The following BCORL1 variants were observed in gnomAD, a reference collection of about 807,000 sequenced individuals.
BCORL1 encodes the protein BCL-6 corepressor-like protein 1.
BCORL1 carries 7 observed loss-of-function variants against 87.6 expected under a neutral mutation model. The ratio of observed to expected loss-of-function variants is 0.08; its 90% CI spans 0.05 to 0.15. BCORL1 has a LOEUF of 0.15. Ranked by LOEUF, BCORL1 falls within the 10% of genes least tolerant of loss-of-function variation. The pLI, the probability that BCORL1 is intolerant of heterozygous loss-of-function variation, is 1.00. For synonymous variants in BCORL1, 591 were observed against 634.4 expected (o/e 0.93, Z 1.03); for missense variants, 1,215 against 1,499.7 (o/e 0.81, Z 3.13).
At position 130,005,227 on chromosome X, in the gene BCORL1, C is replaced by G. The variant is rs761135980; in HGVS notation, c.-5C>G. ...GCAGGTCCTATCTGGTGGTGAGTGG[C>G]TGTCATGATCTCTACAGCACCGCTC... On this transcript the variant is annotated 5_prime_UTR_variant, in exon 2 of 14. Transcript: ENST00000540052. 4.2e-6 allele frequency: 5 copies of G among 1,203,054 alleles called. No individual in the cohort carries two copies. In the Admixed American group the frequency reaches 1.1e-4, roughly 26 times the overall value.
Position 129,992,627 on chromosome X carries a change from C to A in BCORL1, c.-45+9865C>A, listed in dbSNP as rs147860451. Among the ~76,000 whole-genome samples the A allele has an allele frequency of 3.4e-3, 383 of 111,756 alleles. 2 individuals carry two copies. The highest frequency in any genetic ancestry group is 0.012 in the African/African-American group (360 of 30,804). ...TCTCCAAATATTTGTGTTATGTAGTCCAGGAGACTTTTATAAAAGCAAAAG... is the reference window on the plus strand; with the variant it reads ...TCTCCAAATATTTGTGTTATGTAGTACAGGAGACTTTTATAAAAGCAAAAG... On this transcript the variant is annotated intron_variant, in intron 1 of 13. Coordinates refer to ENST00000540052, the MANE Select transcript of BCORL1 (RefSeq NM_001379451.1).
At position 130,032,731 on chromosome X, in the gene BCORL1, TTCTATTTATTTATTTATTTA is replaced by T. The variant is rs1251053656; in HGVS notation, c.4306-1722_4306-1703del. Reference sequence around the variant, plus strand: ...GCATCACCTCCAGGTCGAGAATCTCTTCTATTTATTTATTTATTTATTTATTTATTTATTTATTTATTTAT... The same window carrying T: ...GCATCACCTCCAGGTCGAGAATCTCTTTTATTTATTTATTTATTTATTTAT... On this transcript the variant is annotated intron_variant, in intron 8 of 13. Coordinates refer to ENST00000540052, the MANE Select transcript of BCORL1 (RefSeq NM_001379451.1). 3.7e-3 allele frequency among the ~76,000 whole-genome samples: 372 copies of T among 100,943 alleles called. 2 individuals are homozygous for T. The highest frequency in any genetic ancestry group is 0.012 in the African/African-American group (354 of 28,490). 87.7% of individuals were successfully genotyped at this position (100,943 alleles called of 115,157 possible).
chrX:130,031,488 T>A (rs1280139458), intron 8 of BCORL1, among the ~76,000 whole-genome samples: 1 of 112,201 alleles, frequency 8.9e-6, no homozygotes, highest in Non-Finnish European at 1.9e-5. Context: ...AACAAATATT[T>A]GTTGTAATAA....
At chrX:129,999,467 C>T (rs1206998738) in intron 1 of BCORL1, among the ~76,000 whole-genome samples, 4 of 106,418 alleles carry the variant, frequency 3.8e-5, no homozygotes, top group East Asian at 3.0e-4. Context: ...CACAGCCACA[C>T]ACGGCTATTT....
intron 10 of BCORL1, 54 bp from the exon 11 acceptor site, chrX:130,039,083 A>C: frequency 8.4e-7 from 1 of 1,183,813 alleles, no homozygotes; most frequent in Non-Finnish European, 1.1e-6. Context: ...TTAAGTGTAG[A>C]CACCCCAGTT....
chrX:130,012,901 C>G (rs1190724098), intron 3 of BCORL1, 49 bp from the exon 4 acceptor site: 1 of 1,164,506 alleles, frequency 8.6e-7, no homozygotes, highest in East Asian at 3.0e-5. Context: ...GACACTTGCA[C>G]CATCTGCAGG....
intron 1 of BCORL1, among the ~76,000 whole-genome samples, chrX:129,992,415 A>G (rs1395481961): frequency 1.8e-5 from 2 of 112,045 alleles, no homozygotes; most frequent in Non-Finnish European, 3.8e-5. Context: ...GTGCCAGTGC[A>G]CTTCAGCCCA....
Position 130,014,510 on chromosome X carries a change from C to T in BCORL1, c.1738C>T (p.Pro580Ser), listed in dbSNP as rs780898582. The change falls in exon 4 of 14, where the codon CCC becomes TCC. Residue 580 changes from proline to serine, a missense_variant. By Grantham distance (74) the Pro-to-Ser change is moderately conservative. Coordinates refer to ENST00000540052, the MANE Select transcript of BCORL1 (RefSeq NM_001379451.1). Reference sequence around the variant, plus strand: ...CAGTGGGAGCTCAGCCCCACCGCACCCCGCCAAGATGCCCAGTGGCACCGA... The same window carrying T: ...CAGTGGGAGCTCAGCCCCACCGCACTCCGCCAAGATGCCCAGTGGCACCGA... ...APSGSSAPPH[P>S]AKMPSGTEQQ... is the part of the protein sequence containing the mutation. The T allele has an allele frequency of 2.0e-5, 24 of 1,211,702 alleles. No individual in the cohort carries two copies. The South Asian group carries it at 3.2e-4, about 16-fold the overall frequency.
chrX:130,023,025 G>T, intron 6 of BCORL1, 48 bp downstream of exon 6: 1 of 1,078,171 alleles, frequency 9.3e-7, no homozygotes, highest in East Asian at 3.0e-5. Flanking sequence ...TCTATGAAAA[G>T]AGAGATCGAA....
Position 130,037,694 on chromosome X carries a change from C to T in BCORL1, c.4694+161C>T, listed in dbSNP as rs972047667. ...GATCATGAGGTCAGGAGTTCGAGACCAGCCTGGCCAACATAGTGAAACCCC... is the reference window on the plus strand; with the variant it reads ...GATCATGAGGTCAGGAGTTCGAGACTAGCCTGGCCAACATAGTGAAACCCC... On this transcript the variant is annotated intron_variant, in intron 10 of 13. Coordinates refer to ENST00000540052, the MANE Select transcript of BCORL1 (RefSeq NM_001379451.1). Among the ~76,000 whole-genome samples, 19 of 111,524 alleles carry T rather than the reference C, an allele frequency of 1.7e-4. No homozygotes were observed. The East Asian group carries it at 5.1e-3, about 30-fold the overall frequency.
At position 130,014,612 on chromosome X, in the gene BCORL1, C is replaced by T; in HGVS notation, c.1840C>T (p.Pro614Ser). 8.3e-7 allele frequency: 1 copy of T among 1,211,636 alleles called. No individual in the cohort carries two copies. The highest frequency in any genetic ancestry group is 1.1e-6 in the Non-Finnish European group (1 of 895,529). The change falls in exon 4 of 14, where the codon CCA (proline) becomes TCA (serine). Residue 614 changes from proline to serine, a missense_variant. By Grantham distance (74) the Pro-to-Ser change is moderately conservative. This residue lies in a region of BCORL1 where 861 missense variants were observed against 1,010.0 expected (regional missense o/e 0.85). Coordinates refer to ENST00000540052, the MANE Select transcript of BCORL1 (RefSeq NM_001379451.1). ...PPQLEREMASPPECSEMPLDL... is the reference protein window; with the variant it reads ...PPQLEREMASSPECSEMPLDL... The stretch of plus-strand genomic sequence containing the variant: ...ACAGCTGGAACGAGAGATGGCCTCT[C>T]CACCTGAGTGCAGCGAGATGCCCCT...
chrX:130,028,178 T>A (rs893464402), intron 7 of BCORL1, among the ~76,000 whole-genome samples: 4 of 111,636 alleles, frequency 3.6e-5, no homozygotes, highest in Non-Finnish European at 7.5e-5. Flanking sequence ...GCTGAGGCCA[T>A]GAAGGCAGCC....
upstream of BCORL1, among the ~76,000 whole-genome samples, chrX:129,981,940 G>A: frequency 1.0e-5 from 1 of 97,727 alleles, no homozygotes; most frequent in African/African-American, 3.8e-5. Context: ...GGGGGAGCGG[G>A]AAGAAGGGGG....
In BCORL1 at chrX:130,048,181, C is replaced by T. The variant is rs1931869316; in HGVS notation, c.4841-2536C>T. On this transcript the variant is annotated intron_variant, in intron 11 of 13. Coordinates refer to ENST00000540052, the MANE Select transcript of BCORL1 (RefSeq NM_001379451.1). Reference sequence around the variant, plus strand: ...CTAAAGAAATGAGTCATTTCAGTAGCTCACAATGCTAATAGGTGTTCTTGT... The same window carrying T: ...CTAAAGAAATGAGTCATTTCAGTAGTTCACAATGCTAATAGGTGTTCTTGT... 2.7e-5 allele frequency among the ~76,000 whole-genome samples: 3 copies of T among 112,413 alleles called. No individual in the cohort carries two copies. In the South Asian group the frequency reaches 1.1e-3, roughly 41 times the overall value.
At chrX:130,039,077 G>T in intron 10 of BCORL1, 60 bp from the exon 11 acceptor site, 1 of 1,173,138 alleles carries the variant, frequency 8.5e-7, no homozygotes. Flanking sequence ...GTAGCCTTAA[G>T]TGTAGACACC....
intron 1 of BCORL1, among the ~76,000 whole-genome samples, chrX:129,995,295 C>A (rs1927485556): frequency 9.1e-6 from 1 of 109,823 alleles, no homozygotes; most frequent in African/African-American, 3.3e-5. Context: ...CATGAGCCAC[C>A]ACGTCTGGCC....
At chrX:130,053,878 C>A (rs920972177) in intron 13 of BCORL1, among the ~76,000 whole-genome samples, 17 of 112,049 alleles carry the variant, frequency 1.5e-4, no homozygotes, top group Non-Finnish European at 2.8e-4. Context: ...AAGTGATGGT[C>A]CAAGTGTATG....
Position 130,015,783 on chromosome X carries a change from C to A in BCORL1, c.3011C>A (p.Pro1004His), listed in dbSNP as rs1929376070. ...ELVLATPQNL[P>H]KMPELPLLPH... ...GTCCTGGCCACCCCCCAGAACCTGC[C>A]TAAGATGCCTGAGCTGCCTTTGCTA... The change falls in exon 4 of 14, where the codon CCT (proline) becomes CAT (histidine). Residue 1004 changes from proline to histidine, a missense_variant. Pro to His is a moderately conservative substitution (Grantham distance 77). This residue lies in a region of BCORL1 where 861 missense variants were observed against 1,010.0 expected (regional missense o/e 0.85). Transcript: ENST00000540052. 2 of 1,210,166 alleles carry A rather than the reference C, an allele frequency of 1.7e-6. No individual in the cohort carries two copies. Among genetic ancestry groups the A allele is most frequent in the Admixed American group, 2.2e-5 (1 of 45,813 alleles).
At position 130,012,955 on chromosome X, in the gene BCORL1, G is replaced by A; in HGVS notation, c.183G>A (p.Glu61=). The change falls in exon 4 of 14, where the codon GAG becomes GAA. Residue 61 remains glutamate (E), a synonymous_variant. Coordinates refer to ENST00000540052, the MANE Select transcript of BCORL1 (RefSeq NM_001379451.1). The part of the protein sequence containing the change: ...FCVSSSFSKV[E]LTAVGSGSNA... ...ATGCTATCCTGTCGTTGCAGGTGGA[G>A]CTCACGGCAGTTGGAAGTGGCAGCA... The A allele has an allele frequency of 8.4e-7, 1 of 1,193,314 alleles. No individual in the cohort carries two copies. Among genetic ancestry groups the A allele is most frequent in the Non-Finnish European group, 1.1e-6 (1 of 882,995 alleles).
Sources: allele counts gnomAD v4.1 joint callset (sites outside exome capture counted in the v4.1 genomes callset), GRCh38; gene constraint gnomAD v4.1.1; regional missense constraint gnomAD v4.1.1; transcripts MANE v1.5; gene names NCBI Gene and HGNC (gene_info 2026-07-23, HGNC 2026-07-21).